The following GRIA2 variants were observed in gnomAD, a reference collection of about 807,000 sequenced individuals.
The protein encoded by GRIA2 is glutamate receptor 2.
GRIA2 carries 14 observed loss-of-function variants against 97.3 expected under a neutral mutation model. The observed-to-expected ratio is 0.14, with a 90% CI of 0.10 to 0.23. GRIA2 has a LOEUF of 0.23. GRIA2 is among the 10% of genes least tolerant of loss of function. The pLI is 1.00. For synonymous variants in GRIA2, 412 were observed against 387.8 expected, an observed-to-expected ratio of 1.06 and a Z score of -0.73; for missense variants, 558 against 1,069.8, an observed-to-expected ratio of 0.52 and a Z score of 6.67.
At chr4:157,291,082 G>A (rs1364221750) in intron 2 of GRIA2, among the ~76,000 whole-genome samples, 1 of 151,820 alleles carries the variant, frequency 6.6e-6, no homozygotes, top group East Asian at 1.9e-4. Context: ...ATAACTTACG[G>A]TGAAGCACAT....
rs549696522 is a variant in GRIA2, at chr4:157,288,614, A to T, written c.230-14938A>T. Among the ~76,000 whole-genome samples, 6 of 151,914 alleles carry T rather than the reference A, an allele frequency of 3.9e-5. No homozygotes were observed. The South Asian group carries it at 6.2e-4, about 16-fold the overall frequency. On this transcript the variant is annotated intron_variant, in intron 2 of 15. Transcript: ENST00000264426. ...TATGAGTATCAAAATTATCTTGTGT[A>T]TACTTTATATAATCTCTTTCAAAAT...
At chr4:157,239,184 G>A (rs539891934) in intron 2 of GRIA2, among the ~76,000 whole-genome samples, 36 of 152,154 alleles carry the variant, frequency 2.4e-4, no homozygotes, top group Middle Eastern at 3.4e-3. Context: ...ACTTCAAGGG[G>A]TTGGAGACTA....
chr4:157,283,521 T>G (rs1732702328), intron 2 of GRIA2, among the ~76,000 whole-genome samples: 1 of 151,984 alleles, frequency 6.6e-6, no homozygotes, highest in African/African-American at 2.4e-5. Flanking sequence ...AATAAACCCT[T>G]AATGAGCAAA....
chr4:157,347,296 A>G (rs1170656872), intron 12 of GRIA2, among the ~76,000 whole-genome samples: 1 of 152,158 alleles, frequency 6.6e-6, no homozygotes, highest in African/African-American at 2.4e-5. Flanking sequence ...CTCTTTCCAT[A>G]AGTATTCTTT....
chr4:157,248,407 A>G (rs1730829630), intron 2 of GRIA2, among the ~76,000 whole-genome samples: 1 of 149,762 alleles, frequency 6.7e-6, no homozygotes, highest in Non-Finnish European at 1.5e-5. Context: ...AATATATTCA[A>G]AATACAAAAA....
chr4:157,282,006 T>C (rs901736292), intron 2 of GRIA2, among the ~76,000 whole-genome samples: 3 of 152,130 alleles, frequency 2.0e-5, no homozygotes, highest in African/African-American at 7.2e-5. Context: ...ACATTTCCAA[T>C]CTTCCAGTTT....
chr4:157,297,548 G>T (rs1255471790), intron 2 of GRIA2, among the ~76,000 whole-genome samples: 1 of 152,094 alleles, frequency 6.6e-6, no homozygotes, highest in African/African-American at 2.4e-5. Flanking sequence ...ACATGACTAA[G>T]CTCAGACAGA....
chr4:157,239,950 A>G lies in GRIA2; in HGVS notation c.229+18143A>G, dbSNP rs117414598. 2.6e-5 allele frequency among the ~76,000 whole-genome samples: 4 copies of G among 152,092 alleles called. No individual in the cohort carries two copies. The East Asian group carries it at 7.8e-4, about 30-fold the overall frequency. The stretch of plus-strand genomic sequence containing the variant: ...GTATTCTAGTCTTTCAAGAGACTTT[A>G]TTCATCTTCCTTGTGCAAACTAGAT... On this transcript the variant is annotated intron_variant, in intron 2 of 15. Coordinates refer to ENST00000264426, the MANE Select transcript of GRIA2 (RefSeq NM_001083619.3).
rs544530833 is a variant in GRIA2, at chr4:157,273,303, G to A, written c.230-30249G>A. 1.2e-4 allele frequency among the ~76,000 whole-genome samples: 18 copies of A among 152,146 alleles called. No homozygotes were observed. The East Asian group carries it at 3.5e-3, about 29-fold the overall frequency. ...GCACCAATGGAGAACTATATTTACG[G>A]TGGTTCCTTTTACCCAGTACATCAT... On this transcript the variant is annotated intron_variant, in intron 2 of 15. Transcript: ENST00000264426.
chr4:157,341,533 C>T, intron 12 of GRIA2, 71 bp downstream of exon 12: 1 of 1,032,376 alleles, frequency 9.7e-7, no homozygotes. Context: ...TGTTTCCCTC[C>T]CATAGTCAAT....
chr4:157,362,429 T>C, intron 14 of GRIA2: 2 of 462,522 alleles, frequency 4.3e-6, no homozygotes, highest in African/African-American at 2.0e-5. Flanking sequence ...GCTGTCAGCT[T>C]TACCAGATTA....
At chr4:157,256,247 A>T (rs1417485496) in intron 2 of GRIA2, among the ~76,000 whole-genome samples, 3 of 100,172 alleles carry the variant, frequency 3.0e-5, no homozygotes, top group South Asian at 2.6e-4. Context: ...TATATATATA[A>T]TATATAAATT....
chr4:157,339,388 T>C (rs551332853), intron 11 of GRIA2, among the ~76,000 whole-genome samples: 8 of 151,954 alleles, frequency 5.3e-5, no homozygotes, highest in Non-Finnish European at 1.0e-4. Flanking sequence ...TAAAATAATA[T>C]TGAATTTCCT....
At chr4:157,355,901 A>ATATATATT (rs1560781006) in intron 12 of GRIA2, among the ~76,000 whole-genome samples, 112 of 2,678 alleles carry the variant, frequency 0.042, 4 homozygotes, top group Admixed American at 0.057. Flanking sequence ...ATTTATATAT[A>ATATATATT]AATATATATA....
At chr4:157,299,428 G>A (rs1311998603) in intron 2 of GRIA2, among the ~76,000 whole-genome samples, 1 of 152,102 alleles carries the variant, frequency 6.6e-6, no homozygotes, top group Non-Finnish European at 1.5e-5. Context: ...TGCTTATGAA[G>A]CAGACTATGC....
Position 157,226,281 on chromosome 4 carries a change from C to T in GRIA2, c.229+4474C>T, listed in dbSNP as rs529236310. Among the ~76,000 whole-genome samples, 9 of 151,930 alleles carry T rather than the reference C, an allele frequency of 5.9e-5. No homozygotes were observed. The South Asian group carries it at 1.0e-3, about 18-fold the overall frequency. On this transcript the variant is annotated intron_variant, in intron 2 of 15. Transcript: ENST00000264426. ...ATATTGTTGTTTCATAAAACTGTTG[C>T]GCACACCGAATGCCTTTTAAAACAT...
At chr4:157,279,927 C>G (rs1328749397) in intron 2 of GRIA2, among the ~76,000 whole-genome samples, 1 of 152,046 alleles carries the variant, frequency 6.6e-6, no homozygotes, top group East Asian at 1.9e-4. Context: ...GAGTTCAAGA[C>G]CAGCCTGACC....
intron 2 of GRIA2, among the ~76,000 whole-genome samples, chr4:157,244,623 G>T (rs1028092532): frequency 1.3e-5 from 2 of 152,000 alleles, no homozygotes; most frequent in East Asian, 1.9e-4. Context: ...TGTAAGGTTT[G>T]TTGTGTTGTG....
chr4:157,339,990 T>C (rs897915147), intron 11 of GRIA2, among the ~76,000 whole-genome samples: 10 of 151,906 alleles, frequency 6.6e-5, no homozygotes, highest in African/African-American at 2.4e-4. Context: ...ATTCTTTTTG[T>C]TATTTCTTGC....
Sources: gnomAD v4.1 joint callset for allele counts (sites outside exome capture counted in the v4.1 genomes callset) on GRCh38, gnomAD v4.1.1 for gene constraint, MANE v1.5 for transcripts, NCBI Gene and HGNC (gene_info 2026-07-23, HGNC 2026-07-21) for gene names.